Variants in SNRK observed in about 807,000 individuals in gnomAD.
SNRK encodes the protein SNF-related serine/threonine-protein kinase.
Under a neutral mutation model 48.2 loss-of-function variants are expected in SNRK, and 3 were observed. The observed-to-expected ratio is 0.06, with a 90% CI of 0.03 to 0.16. The LOEUF is 0.16. SNRK is among the 10% of genes least tolerant of loss of function. The pLI, the probability that SNRK is intolerant of heterozygous loss-of-function variation, is 1.00. For synonymous variants in SNRK, 376 were observed against 366.1 expected, an observed-to-expected ratio of 1.03 and a Z score of -0.31; for missense variants, 627 against 976.0, an observed-to-expected ratio of 0.64 and a Z score of 4.76.
At chr3:43,292,423 C>T (rs770174677) in intron 1 of SNRK, among the ~76,000 whole-genome samples, 12 of 152,152 alleles carry the variant, frequency 7.9e-5, no homozygotes, top group African/African-American at 1.4e-4. Context: ...TCTTTAATGA[C>T]GCTTTGACTA....
At chr3:43,343,766 C>T (rs1324997674) in intron 6 of SNRK, among the ~76,000 whole-genome samples, 2 of 152,102 alleles carry the variant, frequency 1.3e-5, no homozygotes, top group African/African-American at 4.8e-5. Context: ...GAGTGTCTTG[C>T]TAGTTATTTT....
intron 3 of SNRK, among the ~76,000 whole-genome samples, chr3:43,304,709 C>CTCATACATATGAA (rs2090924080): frequency 6.6e-6 from 1 of 151,886 alleles, no homozygotes; most frequent in African/African-American, 2.4e-5. Flanking sequence ...TATGAGTATT[C>CTCATACATATGAA]TGCTTGCATT....
At chr3:43,343,249 A>C in intron 5 of SNRK, 95 bp from the exon 6 acceptor site, 1 of 1,414,836 alleles carries the variant, frequency 7.1e-7, no homozygotes, top group Non-Finnish European at 9.3e-7. Context: ...CCAGCCATTG[A>C]ATTTAACTTG....
intron 3 of SNRK, among the ~76,000 whole-genome samples, chr3:43,305,707 G>C (rs1315401158): frequency 2.0e-5 from 3 of 151,826 alleles, no homozygotes; most frequent in Non-Finnish European, 2.9e-5. Flanking sequence ...GGATGGTCTT[G>C]ATCTCCTGAC....
intron 1 of SNRK, among the ~76,000 whole-genome samples, chr3:43,296,443 T>TGGC (rs1293413423): frequency 1.7e-4 from 25 of 147,754 alleles, no homozygotes; most frequent in Non-Finnish European, 3.4e-4. Flanking sequence ...TGTATATATA[T>TGGC]ATATTTAAGC....
At chr3:43,320,930 GTT>G (rs11327863) in intron 3 of SNRK, among the ~76,000 whole-genome samples, 2,133 of 133,452 alleles carry the variant, frequency 0.016, 13 homozygotes, top group African/African-American at 0.022. Context: ...TTTTTTCAAG[GTT>G]TTTTTTTTTT....
intron 1 of SNRK, among the ~76,000 whole-genome samples, chr3:43,296,830 G>C (rs890831648): frequency 6.6e-6 from 1 of 152,204 alleles, no homozygotes; most frequent in African/African-American, 2.4e-5. Flanking sequence ...ACTGTTTTCA[G>C]CAGCTTGCAA....
At position 43,336,116 on chromosome 3, in the gene SNRK, G is replaced by GT. The variant is rs1319372731; in HGVS notation, c.731+3816dup. 7.2e-3 allele frequency among the ~76,000 whole-genome samples: 1,076 copies of GT among 148,526 alleles called. 8 individuals are homozygous for GT. Among genetic ancestry groups the GT allele is most frequent in the African/African-American group, 0.025 (1,007 of 40,678 alleles). On this transcript the variant is annotated intron_variant, in intron 4 of 6. Coordinates refer to ENST00000296088, the MANE Select transcript of SNRK (RefSeq NM_017719.5). ...TATGTTTTATGTTTGTCCTACTTCA[G>GT]TTTTTTTTTTCTTTTTACCCCATTC...
At chr3:43,346,996 A>C in intron 6 of SNRK, 1 of 194,070 alleles carries the variant, frequency 5.2e-6, no homozygotes, top group Non-Finnish European at 1.0e-5. Context: ...CGTGGTGTTC[A>C]GGTTTTGCTT....
intron 6 of SNRK, among the ~76,000 whole-genome samples, chr3:43,344,623 A>G (rs1286294012): frequency 2.0e-5 from 3 of 152,186 alleles, no homozygotes. Flanking sequence ...TAACTAGAAC[A>G]TGAATTTAGT....
chr3:43,340,578 T>A (rs1400677654), intron 5 of SNRK, 79 bp downstream of exon 5: 6 of 1,218,992 alleles, frequency 4.9e-6, no homozygotes, highest in Non-Finnish European at 7.1e-6. Flanking sequence ...ACACAGCCTT[T>A]GGACACCTGT....
At chr3:43,310,326 G>A (rs752259064) in intron 3 of SNRK, among the ~76,000 whole-genome samples, 40 of 151,898 alleles carry the variant, frequency 2.6e-4, no homozygotes, top group Admixed American at 9.2e-4. Flanking sequence ...TGGTTTGCAC[G>A]ACATGTAATC....
At chr3:43,332,348 A>T in intron 4 of SNRK, 38 bp downstream of exon 4, 1 of 1,325,504 alleles carries the variant, frequency 7.5e-7, no homozygotes, top group Middle Eastern at 2.0e-4. Flanking sequence ...TTAAGGACTC[A>T]GATTAAAACC....
chr3:43,305,169 ATAT>A (rs2090927832), intron 3 of SNRK, among the ~76,000 whole-genome samples: 1 of 152,240 alleles, frequency 6.6e-6, no homozygotes, highest in South Asian at 2.1e-4. Context: ...AGACCATAGA[ATAT>A]CAGGAACTCT....
At chr3:43,324,690 G>A (rs1026561635) in intron 3 of SNRK, among the ~76,000 whole-genome samples, 1 of 152,006 alleles carries the variant, frequency 6.6e-6, no homozygotes, top group Non-Finnish European at 1.5e-5. Context: ...AACCAACCAG[G>A]TTGTGTATTT....
At position 43,286,666 on chromosome 3, in the gene SNRK, G is replaced by C. The variant is rs2090765554; in HGVS notation, c.-178G>C. Reference sequence around the variant, plus strand: ...GGCCGCTGCGGACGGACGCTCGCCTGCCGGCTGAGGTAGGGGCGAGCGCGG... The same window carrying C: ...GGCCGCTGCGGACGGACGCTCGCCTCCCGGCTGAGGTAGGGGCGAGCGCGG... On this transcript the variant is annotated 5_prime_UTR_variant, in exon 1 of 7. Transcript: ENST00000296088. 6.7e-6 allele frequency: 1 copy of C among 149,666 alleles called. No individual in the cohort carries two copies. Among genetic ancestry groups the C allele is most frequent in the East Asian group, 2.0e-4 (1 of 5,114 alleles). 9.3% of individuals were successfully genotyped at this position (149,666 alleles called of 1,614,324 possible). A position where few individuals can be genotyped will look rare whatever the true frequency, so the allele number is the denominator to read the frequency against.
At position 43,303,910 on chromosome 3, in the gene SNRK, C is replaced by A; in HGVS notation, c.589+118C>A. 1 of 739,200 alleles carries A rather than the reference C, an allele frequency of 1.4e-6. No individual in the cohort carries two copies. The allele number at this position is 739,200 out of a possible 1,614,324, so 45.8% of individuals were successfully genotyped here. A position where few individuals can be genotyped will look rare whatever the true frequency, so the allele number is the denominator to read the frequency against. On this transcript the variant is annotated intron_variant, in intron 3 of 6. Transcript: ENST00000296088. The surrounding 1 kb of genome is among the most constrained non-coding windows in gnomAD (Gnocchi z 6.2). ...TTTCTGTTAAATTGGCCTTAACTAG[C>A]AAATTGGGTTTCATAAATGCCATAT...
rs766230368 is a variant in SNRK, at chr3:43,340,495, G to T, written c.940G>T (p.Val314Leu). The change falls in exon 5 of 7, where the codon GTA becomes TTA. Residue 314 changes from valine (V) to leucine (L), a missense_variant. This residue lies in a region of SNRK where 175 missense variants were observed against 209.7 expected (regional missense o/e 0.83). Transcript: ENST00000296088. ...GGACATAGCGGATCGAGACGCCATT[G>T]TAGAGTACGTCAATGCCCGTCAGTA... ...LGDIADRDAI[V>L]EALETNRYNH... 1.9e-6 allele frequency: 3 copies of T among 1,613,884 alleles called. No individual in the cohort carries two copies. The African/African-American group carries it at 4.0e-5, about 22-fold the overall frequency.
At chr3:43,304,342 C>T (rs1167625350) in intron 3 of SNRK, among the ~76,000 whole-genome samples, 1 of 152,128 alleles carries the variant, frequency 6.6e-6, no homozygotes. Flanking sequence ...CTTTTCACAG[C>T]GACCCGTGGG....
Sources: gnomAD v4.1 joint callset for allele counts (sites outside exome capture counted in the v4.1 genomes callset) on GRCh38, gnomAD v4.1.1 for gene constraint, gnomAD v4.1.1 regional missense constraint, Gnocchi (gnomAD v3.1) non-coding constraint, MANE v1.5 for transcripts, NCBI Gene and HGNC (gene_info 2026-07-23, HGNC 2026-07-21) for gene names.